Variants in RNF148 observed in about 807,000 individuals in gnomAD.
RNF148 encodes the protein ring finger protein 148.
In RNF148, 16 loss-of-function variants were observed where a neutral mutation model predicts 21.1. The observed-to-expected ratio is 0.76, with a 90% CI of 0.51 to 1.15. The LOEUF is 1.15. RNF148 is among the 50% of genes most tolerant of loss of function. The pLI, the probability that RNF148 is intolerant of heterozygous loss-of-function variation, is 0.00. For missense variants in RNF148, 424 were observed against 374.2 expected, an observed-to-expected ratio of 1.13 and a Z score of -1.10; for synonymous variants, 150 against 136.4, an observed-to-expected ratio of 1.10 and a Z score of -0.69.
Position 122,702,155 on chromosome 7 carries a change from G to T in RNF148, c.596C>A (p.Ala199Asp), listed in dbSNP as rs771318296. Residue 199 changes from alanine to aspartate, a missense_variant, in exon 1 of 1, where the codon GCT becomes GAT. Physicochemically the swap from Ala to Asp is moderately radical, Grantham distance 126. Coordinates refer to ENST00000434824, the MANE Select transcript of RNF148 (RefSeq NM_198085.2). ...HYIMYLFTFL[A>D]ATIAYFYLDC... Reference sequence around the variant, plus strand: ...TAAGTAAAAGTAGGCAATTGTGGCAGCCAGGAAGGTAAATAGATACATGAT... The same window carrying T: ...TAAGTAAAAGTAGGCAATTGTGGCATCCAGGAAGGTAAATAGATACATGAT... The T allele has an allele frequency of 6.2e-7, 1 of 1,613,656 alleles. No individual in the cohort carries two copies. The highest frequency in any genetic ancestry group is 8.5e-7 in the Non-Finnish European group (1 of 1,179,742).
Position 122,702,048 on chromosome 7 carries a change from C to A in RNF148, c.703G>T (p.Ala235Ser), listed in dbSNP as rs745627657. The change falls in exon 1 of 1, where the codon GCT becomes TCT. Residue 235 changes from alanine to serine, a missense_variant. Transcript: ENST00000434824. The part of the protein sequence containing the change: ...RSQIKTDVKK[A>S]IDQLQLRVLK... ...ACTCGCAGTTGAAGCTGGTCAATAG[C>A]TTTCTTCACATCTGTCTTTATTTGA... The A allele has an allele frequency of 4.3e-6, 7 of 1,613,612 alleles. No individual in the cohort carries two copies. Among genetic ancestry groups the A allele is most frequent in the Non-Finnish European group, 5.9e-6 (7 of 1,179,674 alleles).
rs147362816 is a variant in RNF148, at chr7:122,702,724, C to G, written c.27G>C (p.Ser9=). The G allele has an allele frequency of 6.2e-7, 1 of 1,608,442 alleles. No homozygotes were observed. The change falls in exon 1 of 1, where the codon TCG becomes TCC. Residue 9 remains serine, a synonymous_variant. Coordinates refer to ENST00000434824, the MANE Select transcript of RNF148 (RefSeq NM_198085.2). ...GTCCAGATGAAACAGAACTATGCGT[C>G]GAAGGGGTAATTCTAAGGAAGCTCA... MSFLRITP[S]THSSVSSGLL...
rs954184423 is a variant in RNF148, at chr7:122,702,280, G to T, written c.471C>A (p.Asn157Lys). The T allele has an allele frequency of 2.5e-6, 4 of 1,613,606 alleles. No homozygotes were observed. In the African/African-American group the frequency reaches 4.0e-5, roughly 16 times the overall value. Residue 157 changes from asparagine (N) to lysine (K), a missense_variant, in exon 1 of 1, where the codon AAC becomes AAA. Transcript: ENST00000434824. ...TENIVAVMIS[N>K]LKGMEILHSI... The stretch of plus-strand genomic sequence containing the variant: ...AGTGCAAAATTTCCATGCCTTTCAG[G>T]TTGCTTATCATCACCGCGACTATAT...
At position 122,701,780 on chromosome 7, in the gene RNF148, A is replaced by T; in HGVS notation, c.*53T>A. The T allele has an allele frequency of 8.4e-7, 1 of 1,191,758 alleles. No individual in the cohort carries two copies. The highest frequency in any genetic ancestry group is 1.2e-6 in the Non-Finnish European group (1 of 836,550). The allele number at this position is 1,191,758 out of a possible 1,614,324, so 73.8% of individuals were successfully genotyped here. On this transcript the variant is annotated 3_prime_UTR_variant, in exon 1 of 1. Transcript: ENST00000434824. ...AAAGTACAATAAGACAATTTATCTA[A>T]TCTTTGTATTTGGAAAGATCTGGTT...
rs890376730 is a variant in RNF148, at chr7:122,702,877, A to G, written c.-127T>C. The G allele has an allele frequency of 6.1e-6, 4 of 657,424 alleles. No homozygotes were observed. The highest frequency in any genetic ancestry group is 5.5e-5 in the African/African-American group (3 of 54,684). 40.7% of individuals were successfully genotyped at this position (657,424 alleles called of 1,614,324 possible). A position where few individuals can be genotyped will look rare whatever the true frequency, so the allele number is the denominator to read the frequency against. On this transcript the variant is annotated 5_prime_UTR_variant, in exon 1 of 1. Coordinates refer to ENST00000434824, the MANE Select transcript of RNF148 (RefSeq NM_198085.2). ...ACATAAATGGAAAAGGTCTCCCTGGATCAAAGCTATCTTGCTCCTTCCAGT... is the reference window on the plus strand; with the variant it reads ...ACATAAATGGAAAAGGTCTCCCTGGGTCAAAGCTATCTTGCTCCTTCCAGT...
rs2086348042 is a variant in RNF148 at position 122,702,672 on chromosome 7, G to A, written c.79C>T (p.Leu27Phe). Reference sequence around the variant, plus strand: ...TTTCCGTTTGAGTCAGGAAAGCTAAGTAGTAGAAAGATACTAAGCCTCAAA... The same window carrying A: ...TTTCCGTTTGAGTCAGGAAAGCTAAATAGTAGAAAGATACTAAGCCTCAAA... The part of the protein sequence containing the change: ...GLLRLSIFLL[L>F]SFPDSNGKAI... The change falls in exon 1 of 1, where the codon CTT (leucine) becomes TTT (phenylalanine). Residue 27 changes from leucine to phenylalanine, a missense_variant. Physicochemically the swap from Leu to Phe is conservative, Grantham distance 22. Transcript: ENST00000434824. 1.2e-6 allele frequency: 2 copies of A among 1,613,062 alleles called. No homozygotes were observed. Among genetic ancestry groups the A allele is most frequent in the Non-Finnish European group, 1.7e-6 (2 of 1,179,462 alleles).
Position 122,702,590 on chromosome 7 carries a change from G to T in RNF148, c.161C>A (p.Ser54Ter). 2 of 1,613,554 alleles carry T rather than the reference G, an allele frequency of 1.2e-6. No homozygotes were observed. The highest frequency in any genetic ancestry group is 1.7e-6 in the Non-Finnish European group (2 of 1,179,708). Residue 54 changes from serine (S) to a stop codon, truncating the protein, a stop_gained, in exon 1 of 1, where the codon TCG (serine) becomes TAG (stop). Transcript: ENST00000434824. LOFTEE classifies it high-confidence loss of function. ...ITFQVGNEIT[S>*]ELGESGVFGN... ...GAACACTCCACTCTCTCCTAATTCC[G>T]ATGTGATCTCATTTCCAACCTGAAA...
chr7:122,702,158 A>G lies in RNF148; in HGVS notation c.593T>C (p.Leu198Pro). 1.2e-6 allele frequency: 2 copies of G among 1,613,800 alleles called. No homozygotes were observed. The highest frequency in any genetic ancestry group is 1.7e-6 in the Non-Finnish European group (2 of 1,179,778). Reference sequence around the variant, plus strand: ...GTAAAAGTAGGCAATTGTGGCAGCCAGGAAGGTAAATAGATACATGATGTA... The same window carrying G: ...GTAAAAGTAGGCAATTGTGGCAGCCGGGAAGGTAAATAGATACATGATGTA... ...SHYIMYLFTF[L>P]AATIAYFYLD... is the part of the protein sequence containing the mutation. The change falls in exon 1 of 1, where the codon CTG becomes CCG. Residue 198 changes from leucine to proline, a missense_variant. Transcript: ENST00000434824.
chr7:122,702,769 A>G lies in RNF148; in HGVS notation c.-19T>C, dbSNP rs2086370293. The G allele has an allele frequency of 2.6e-6, 4 of 1,536,734 alleles. No homozygotes were observed. Among genetic ancestry groups the G allele is most frequent in the Non-Finnish European group, 3.5e-6 (4 of 1,137,262 alleles). ...AGCTCATGCCTCCATTTGTCTATTA[A>G]GAGACAAACATGAGAAAACAAAACA... On this transcript the variant is annotated 5_prime_UTR_variant, in exon 1 of 1. Coordinates refer to ENST00000434824, the MANE Select transcript of RNF148 (RefSeq NM_198085.2).
chr7:122,701,800 CT>C lies in RNF148; in HGVS notation c.*32del. 1.5e-6 allele frequency: 2 copies of C among 1,331,544 alleles called. No individual in the cohort carries two copies. The highest frequency in any genetic ancestry group is 2.1e-6 in the Non-Finnish European group (2 of 956,340). 82.5% of individuals were successfully genotyped at this position (1,331,544 alleles called of 1,614,324 possible). A position where few individuals can be genotyped will look rare whatever the true frequency, so the allele number is the denominator to read the frequency against. On this transcript the variant is annotated 3_prime_UTR_variant, in exon 1 of 1. Coordinates refer to ENST00000434824, the MANE Select transcript of RNF148 (RefSeq NM_198085.2). Reference sequence around the variant, plus strand: ...ATCTAATCTTTGTATTTGGAAAGATCTGGTTACATCTTCAGAAAATTCTCCA... The same window carrying C: ...ATCTAATCTTTGTATTTGGAAAGATCGGTTACATCTTCAGAAAATTCTCCA...
At position 122,702,257 on chromosome 7, in the gene RNF148, T is replaced by G; in HGVS notation, c.494A>C (p.His165Pro). 6.2e-7 allele frequency: 1 copy of G among 1,613,822 alleles called. No homozygotes were observed. Among genetic ancestry groups the G allele is most frequent in the South Asian group, 1.1e-5 (1 of 91,086 alleles). Residue 165 changes from histidine to proline, a missense_variant, in exon 1 of 1, where the codon CAC becomes CCC. Physicochemically the swap from His to Pro is moderately conservative, Grantham distance 77. Coordinates refer to ENST00000434824, the MANE Select transcript of RNF148 (RefSeq NM_198085.2). ...ISNLKGMEIL[H>P]SIQKGVYVTV... is the part of the protein sequence containing the mutation. ...CACATAGACTCCTTTCTGAATCGAG[T>G]GCAAAATTTCCATGCCTTTCAGGTT...
Position 122,702,658 on chromosome 7 carries a change from G to A in RNF148, c.93C>T (p.Asp31=), listed in dbSNP as rs778643396. ...CTGTCCAAATGGCTTTTCCGTTTGAGTCAGGAAAGCTAAGTAGTAGAAAGA... is the reference window on the plus strand; with the variant it reads ...CTGTCCAAATGGCTTTTCCGTTTGAATCAGGAAAGCTAAGTAGTAGAAAGA... ...LSIFLLLSFP[D]SNGKAIWTAH... The change falls in exon 1 of 1, where the codon GAC becomes GAT. Residue 31 remains aspartate, a synonymous_variant. Transcript: ENST00000434824. 4.3e-6 allele frequency: 7 copies of A among 1,613,256 alleles called. No individual in the cohort carries two copies. The highest frequency in any genetic ancestry group is 1.3e-5 in the African/African-American group (1 of 74,886).
rs940393059 is a variant in RNF148 at position 122,702,917 on chromosome 7, T to C, written c.-167A>G. On this transcript the variant is annotated 5_prime_UTR_variant, in exon 1 of 1. Coordinates refer to ENST00000434824, the MANE Select transcript of RNF148 (RefSeq NM_198085.2). The stretch of plus-strand genomic sequence containing the variant: ...CTCCTTCCAGTATTTTAATATTTAG[T>C]AGATTATCTTTCTCATAATGAAACA... The C allele has an allele frequency of 3.6e-6, 2 of 559,636 alleles. No homozygotes were observed. Among genetic ancestry groups the C allele is most frequent in the South Asian group, 2.7e-5 (1 of 37,650 alleles). 34.7% of individuals were successfully genotyped at this position (559,636 alleles called of 1,614,324 possible). A position where few individuals can be genotyped will look rare whatever the true frequency, so the allele number is the denominator to read the frequency against.
chr7:122,702,098 G>A lies in RNF148; in HGVS notation c.653C>T (p.Pro218Leu). The A allele has an allele frequency of 6.2e-7, 1 of 1,613,522 alleles. No individual in the cohort carries two copies. Among genetic ancestry groups the A allele is most frequent in the Non-Finnish European group, 8.5e-7 (1 of 1,179,734 alleles). Residue 218 changes from proline to leucine, a missense_variant, in exon 1 of 1, where the codon CCC becomes CTC. Coordinates refer to ENST00000434824, the MANE Select transcript of RNF148 (RefSeq NM_198085.2). ...ACTTCGCCTCCTGGTGAAAGAATTG[G>A]GCACTCTAGGTGTAAGTCTCCAGAC... ...DCVWRLTPRV[P>L]NSFTRRRSQI...
Position 122,702,344 on chromosome 7 carries a change from C to T in RNF148, c.407G>A (p.Gly136Asp), listed in dbSNP as rs1416508443. Residue 136 changes from glycine (G) to aspartate (D), a missense_variant, in exon 1 of 1, where the codon GGC becomes GAC. Physicochemically the swap from Gly to Asp is moderately conservative, Grantham distance 94. Transcript: ENST00000434824. ...GVIIYNYQGTGSKVFPMSHQG... is the reference protein window; with the variant it reads ...GVIIYNYQGTDSKVFPMSHQG... Reference sequence around the variant, plus strand: ...GTGAGACATGGGAAATACTTTACTGCCCGTACCTTGATAGTTGTAGATGAT... The same window carrying T: ...GTGAGACATGGGAAATACTTTACTGTCCGTACCTTGATAGTTGTAGATGAT... 1.6e-5 allele frequency: 26 copies of T among 1,613,688 alleles called. No individual in the cohort carries two copies. Among genetic ancestry groups the T allele is most frequent in the Non-Finnish European group, 2.2e-5 (26 of 1,179,792 alleles).
In RNF148 at chr7:122,701,958, A is replaced by G. The variant is rs761596562; in HGVS notation, c.793T>C (p.Tyr265His). 6.1e-5 allele frequency: 98 copies of G among 1,613,570 alleles called. No homozygotes were observed. The highest frequency in any genetic ancestry group is 4.9e-4 in the Middle Eastern group (3 of 6,080). The change falls in exon 1 of 1, where the codon TAC becomes CAC. Residue 265 changes from tyrosine (Y) to histidine (H), a missense_variant. Physicochemically the swap from Tyr to His is moderately conservative, Grantham distance 83. Transcript: ENST00000434824. The stretch of plus-strand genomic sequence containing the variant: ...ATGCGTACTACATCTTGGGGTTTGT[A>G]TGTGTCAAAGCAAACAACACAGTTG... The part of the protein sequence containing the change: ...EDNCVVCFDT[Y>H]KPQDVVRILT...
At position 122,702,679 on chromosome 7, in the gene RNF148, A is replaced by C; in HGVS notation, c.72T>G (p.Phe24Leu). Residue 24 changes from phenylalanine to leucine, a missense_variant, in exon 1 of 1, where the codon TTT becomes TTG. By Grantham distance (22) the Phe-to-Leu change is conservative. Transcript: ENST00000434824. ...TTGAGTCAGGAAAGCTAAGTAGTAG[A>C]AAGATACTAAGCCTCAAAAGTCCAG... is the stretch of plus-strand genomic sequence containing the variant. ...VSSGLLRLSIFLLLSFPDSNG... is the reference protein window; with the variant it reads ...VSSGLLRLSILLLLSFPDSNG... 6.2e-7 allele frequency: 1 copy of C among 1,613,124 alleles called. No individual in the cohort carries two copies. The highest frequency in any genetic ancestry group is 8.5e-7 in the Non-Finnish European group (1 of 1,179,422).
chr7:122,702,797 A>C lies in RNF148; in HGVS notation c.-47T>G. 5 of 1,353,406 alleles carry C rather than the reference A, an allele frequency of 3.7e-6. No homozygotes were observed. The highest frequency in any genetic ancestry group is 5.0e-6 in the Non-Finnish European group (5 of 991,662). The allele number at this position is 1,353,406 out of a possible 1,614,324, so 83.8% of individuals were successfully genotyped here. On this transcript the variant is annotated 5_prime_UTR_variant, in exon 1 of 1. It removes an upstream start codon present in the reference 5' UTR. Coordinates refer to ENST00000434824, the MANE Select transcript of RNF148 (RefSeq NM_198085.2). ...GACAAACATGAGAAAACAAAACAAC[A>C]TCAGTTGTAGAAGAACATAAAGAAG... is the stretch of plus-strand genomic sequence containing the variant.
At position 122,702,301 on chromosome 7, in the gene RNF148, T is replaced by C; in HGVS notation, c.450A>G (p.Ile150Met). The C allele has an allele frequency of 6.2e-7, 1 of 1,613,862 alleles. No individual in the cohort carries two copies. The highest frequency in any genetic ancestry group is 8.5e-7 in the Non-Finnish European group (1 of 1,179,776). Residue 150 changes from isoleucine to methionine, a missense_variant, in exon 1 of 1, where the codon ATA (isoleucine) becomes ATG (methionine). Transcript: ENST00000434824. ...TCAGGTTGCTTATCATCACCGCGAC[T>C]ATATTTTCCGTCCCCTGGTGAGACA... ...FPMSHQGTEN[I>M]VAVMISNLKG...
Sources: allele counts gnomAD v4.1 joint callset, GRCh38; gene constraint gnomAD v4.1.1; transcripts MANE v1.5; gene names NCBI Gene and HGNC (gene_info 2026-07-23, HGNC 2026-07-21).